The following PRKCB variants were observed in gnomAD, a reference collection of about 807,000 sequenced individuals.
PRKCB encodes protein kinase C beta type.
A neutral mutation model predicts 81.5 loss-of-function variants in PRKCB; 13 were observed. The ratio of observed to expected loss-of-function variants is 0.16; its 90% confidence interval spans 0.10 to 0.25. The LOEUF (loss-of-function observed/expected upper bound fraction) is 0.25, where lower values mean the gene tolerates loss of function less well. Ranked by LOEUF, PRKCB falls within the 10% of genes least tolerant of loss-of-function variation. The pLI is 1.00. For missense variants in PRKCB, 509 were observed against 875.7 expected (o/e 0.58, Z 5.29); for synonymous variants, 335 against 321.4 (o/e 1.04, Z -0.45).
chr16:24,013,788 A>AAAAC (rs1965237435), intron 3 of PRKCB, among the ~76,000 whole-genome samples: 1 of 151,642 alleles, frequency 6.6e-6, no homozygotes, highest in Non-Finnish European at 1.5e-5. Context: ...TTGCAAAAAA[A>AAAAC]AAAAAAAAGT....
At chr16:23,960,284 AG>A (rs1964407920) in intron 2 of PRKCB, among the ~76,000 whole-genome samples, 1 of 152,122 alleles carries the variant, frequency 6.6e-6, no homozygotes, top group African/African-American at 2.4e-5. Flanking sequence ...AGCCCATCCC[AG>A]TACGGTGGTA....
chr16:23,992,529 A>G (rs1333374354), intron 3 of PRKCB, among the ~76,000 whole-genome samples: 3 of 152,230 alleles, frequency 2.0e-5, no homozygotes, highest in Admixed American at 2.0e-4. Context: ...CACTTTTGGA[A>G]AACTAAGGCA....
intron 3 of PRKCB, among the ~76,000 whole-genome samples, chr16:24,029,093 G>T (rs1965519539): frequency 6.6e-6 from 1 of 152,176 alleles, no homozygotes; most frequent in Admixed American, 6.5e-5. Context: ...GCCCGGCCTG[G>T]ATGTTTTCAT....
intron 2 of PRKCB, among the ~76,000 whole-genome samples, chr16:23,871,644 C>G (rs988398935): frequency 6.6e-6 from 1 of 152,072 alleles, no homozygotes; most frequent in Non-Finnish European, 1.5e-5. Flanking sequence ...GGGGCACAAT[C>G]TCGGCTCACT....
rs80169186 is a variant in PRKCB at position 24,200,227 on chromosome 16, C to T, written c.1863+8997C>T. On this transcript the variant is annotated intron_variant, in intron 16 of 16. Coordinates refer to ENST00000643927, the MANE Select transcript of PRKCB (RefSeq NM_002738.7). The stretch of plus-strand genomic sequence containing the variant: ...TCATTAAGGAGTAGAGGTTTCCCTG[C>T]TCATTTCTGGTTGTTCTTTTGGGGT... Among the ~76,000 whole-genome samples, 28 of 152,256 alleles carry T rather than the reference C, an allele frequency of 1.8e-4. No individual in the cohort carries two copies. The East Asian group carries it at 5.4e-3, about 29-fold the overall frequency.
intron 5 of PRKCB, among the ~76,000 whole-genome samples, chr16:24,082,080 A>C (rs1305935413): frequency 2.0e-5 from 3 of 152,330 alleles, no homozygotes; most frequent in Admixed American, 2.0e-4. Context: ...TATATTAACA[A>C]CTAGAAACCA....
At chr16:23,880,590 G>A (rs755926659) in intron 2 of PRKCB, among the ~76,000 whole-genome samples, 1 of 151,774 alleles carries the variant, frequency 6.6e-6, no homozygotes, top group Non-Finnish European at 1.5e-5. Flanking sequence ...TGTTACTGGG[G>A]GTTCTTTCTG....
At chr16:24,175,288 C>T (rs1967510393) in intron 12 of PRKCB, among the ~76,000 whole-genome samples, 1 of 151,926 alleles carries the variant, frequency 6.6e-6, no homozygotes, top group African/African-American at 2.4e-5. Flanking sequence ...TAGCATTTGG[C>T]ATGGGTGGGG....
intron 3 of PRKCB, among the ~76,000 whole-genome samples, chr16:23,994,391 G>C (rs1964929318): frequency 6.6e-6 from 1 of 152,180 alleles, no homozygotes; most frequent in African/African-American, 2.4e-5. Flanking sequence ...TCCCCATACT[G>C]GTTCTTTGAC....
Position 23,857,193 on chromosome 16 carries a change from G to T in PRKCB, c.205+19787G>T, listed in dbSNP as rs1364104476. ...AGAGGTTTTTAGAAATGGAATGATT[G>T]GTTTTGGCGGAACTGCCTGGCCTGA... On this transcript the variant is annotated intron_variant, in intron 2 of 16. Transcript: ENST00000643927. Among the ~76,000 whole-genome samples, 16 of 152,316 alleles carry T rather than the reference G, an allele frequency of 1.1e-4. No homozygotes were observed. In the South Asian group the frequency reaches 1.9e-3, roughly 18 times the overall value.
chr16:24,146,319 C>T (rs543871195), intron 9 of PRKCB, among the ~76,000 whole-genome samples: 7 of 152,276 alleles, frequency 4.6e-5, no homozygotes, highest in African/African-American at 1.7e-4. Context: ...CTAGTAGAAC[C>T]ACCAGGTATT....
chr16:24,071,649 C>T (rs149196107), intron 5 of PRKCB, among the ~76,000 whole-genome samples: 181 of 152,016 alleles, frequency 1.2e-3, no homozygotes, highest in African/African-American at 4.2e-3. Context: ...CTGGCTTGTC[C>T]GCTCTGCACA....
chr16:24,009,477 T>G (rs1430672544), intron 3 of PRKCB, among the ~76,000 whole-genome samples: 1 of 149,352 alleles, frequency 6.7e-6, no homozygotes, highest in Non-Finnish European at 1.5e-5. Context: ...CAGGCTGGAG[T>G]GCAATGGCGT....
chr16:23,873,106 T>C (rs1310168818), intron 2 of PRKCB, among the ~76,000 whole-genome samples: 6 of 143,344 alleles, frequency 4.2e-5, no homozygotes, highest in Non-Finnish European at 7.5e-5. Context: ...GGTGGGTGGA[T>C]CAACTGAGGT....
At chr16:23,923,322 C>G (rs1046102854) in intron 2 of PRKCB, among the ~76,000 whole-genome samples, 4 of 152,080 alleles carry the variant, frequency 2.6e-5, no homozygotes, top group Non-Finnish European at 5.9e-5. Context: ...GGAAGAGACT[C>G]CCCTCATCAA....
At chr16:24,000,507 C>G (rs1031259380) in intron 3 of PRKCB, among the ~76,000 whole-genome samples, 1 of 152,132 alleles carries the variant, frequency 6.6e-6, no homozygotes, top group Non-Finnish European at 1.5e-5. Context: ...TCTCTATGCC[C>G]TAGTCTCCTT....
In PRKCB at chr16:24,216,698, T is replaced by C; in HGVS notation, c.*1882T>C. 1 of 985,448 alleles carries C rather than the reference T, an allele frequency of 1.0e-6. No individual in the cohort carries two copies. The highest frequency in any genetic ancestry group is 1.1e-4 in the East Asian group (1 of 8,804). The allele number at this position is 985,448 out of a possible 1,614,324, so 61.0% of individuals were successfully genotyped here. On this transcript the variant is annotated 3_prime_UTR_variant, in exon 17 of 17. Coordinates refer to ENST00000643927, the MANE Select transcript of PRKCB (RefSeq NM_002738.7). Reference sequence around the variant, plus strand: ...GGGACCGTCCCTGCTGTCCCCACTGTGGTGGCAATCAGGACCTAAGGTGAA... The same window carrying C: ...GGGACCGTCCCTGCTGTCCCCACTGCGGTGGCAATCAGGACCTAAGGTGAA...
At chr16:24,213,969 T>C (rs1186732649) in intron 16 of PRKCB, among the ~76,000 whole-genome samples, 1 of 152,204 alleles carries the variant, frequency 6.6e-6, no homozygotes. Flanking sequence ...CCCTCCTTCC[T>C]AATTGAAGAG....
intron 15 of PRKCB, among the ~76,000 whole-genome samples, chr16:24,187,415 C>A (rs781001305): frequency 3.1e-4 from 47 of 152,204 alleles, no homozygotes; most frequent in Non-Finnish European, 4.6e-4. Context: ...ACATTGGGTT[C>A]TTTGATGACT....
Sources: gnomAD v4.1 joint callset for allele counts (sites outside exome capture counted in the v4.1 genomes callset) on GRCh38, gnomAD v4.1.1 for gene constraint, MANE v1.5 for transcripts, NCBI Gene and HGNC (gene_info 2026-07-23, HGNC 2026-07-21) for gene names.